AP3B1: variants seen among roughly 807,000 people sequenced by gnomAD.
AP3B1 encodes AP-3 complex subunit beta-1.
A neutral mutation model predicts 132.5 loss-of-function variants in AP3B1; 61 were observed. The ratio of observed to expected loss-of-function variants is 0.46; its 90% CI spans 0.37 to 0.57. AP3B1 has a LOEUF of 0.57. AP3B1 is among the 20% of genes least tolerant of loss of function. The probability of loss-of-function intolerance (pLI) is 0.00; values close to 1 mark genes in which losing one functional copy is unlikely to be tolerated. For synonymous variants in AP3B1, 388 were observed against 438.3 expected, an observed-to-expected ratio of 0.89 and a Z score of 1.43; for missense variants, 1,120 against 1,289.4, an observed-to-expected ratio of 0.87 and a Z score of 2.01.
chr5:78,111,575 A>G (rs1171208331), intron 19 of AP3B1, among the ~76,000 whole-genome samples: 1 of 152,196 alleles, frequency 6.6e-6, no homozygotes, highest in African/African-American at 2.4e-5. Flanking sequence ...AAAGAGACAT[A>G]TAAGCCAAGA....
At position 78,089,428 on chromosome 5, in the gene AP3B1, C is replaced by T. The variant is rs1260839526; in HGVS notation, c.2542G>A (p.Gly848Ser). Reference sequence around the variant, plus strand: ...GAAGAGGAAGTTGACAAGTGTAAACCTTCAAGATCAGCCATCAAACTTGGA... The same window carrying T: ...GAAGAGGAAGTTGACAAGTGTAAACTTTCAAGATCAGCCATCAAACTTGGA... ...LSPSLMADLEGLHLSTSSSVI... is the reference protein window; with the variant it reads ...LSPSLMADLESLHLSTSSSVI... The change falls in exon 22 of 27, where the codon GGT becomes AGT. Residue 848 changes from glycine (G) to serine (S), a missense_variant. This residue lies in a region of AP3B1 where 906 missense variants were observed against 997.1 expected (regional missense o/e 0.91). Transcript: ENST00000255194. The T allele has an allele frequency of 1.9e-6, 3 of 1,613,008 alleles. No homozygotes were observed. The highest frequency in any genetic ancestry group is 1.7e-5 in the Admixed American group (1 of 59,968).
At chr5:78,160,314 T>C (rs1743338230) in intron 13 of AP3B1, among the ~76,000 whole-genome samples, 1 of 152,060 alleles carries the variant, frequency 6.6e-6, no homozygotes, top group East Asian at 1.9e-4. Context: ...TAGTTTAGAG[T>C]AGATGGCAAT....
chr5:78,085,008 C>A (rs1750177258), intron 22 of AP3B1, among the ~76,000 whole-genome samples: 1 of 151,984 alleles, frequency 6.6e-6, no homozygotes, highest in African/African-American at 2.4e-5. Context: ...TCACTACTAT[C>A]ACTAGACATT....
chr5:78,140,340 T>C (rs558904271), intron 15 of AP3B1, among the ~76,000 whole-genome samples: 3 of 152,172 alleles, frequency 2.0e-5, no homozygotes, highest in Non-Finnish European at 4.4e-5. Context: ...CAAAATGTCT[T>C]AGTCCATTTG....
intron 15 of AP3B1, among the ~76,000 whole-genome samples, chr5:78,131,231 A>G (rs1159932866): frequency 6.6e-6 from 1 of 151,938 alleles, no homozygotes; most frequent in East Asian, 1.9e-4. Context: ...ATTTCTCTGG[A>G]GAATACATTT....
intron 3 of AP3B1, among the ~76,000 whole-genome samples, chr5:78,238,557 G>C (rs546708915): frequency 6.6e-6 from 1 of 151,954 alleles, no homozygotes; most frequent in Non-Finnish European, 1.5e-5. Flanking sequence ...TGTACAGCAT[G>C]TTACTGTACT....
intron 22 of AP3B1, among the ~76,000 whole-genome samples, chr5:78,065,077 C>T (rs188904770): frequency 3.7e-4 from 56 of 152,268 alleles, no homozygotes; most frequent in African/African-American, 1.3e-3. Flanking sequence ...AGCAACAGCC[C>T]ACACAGGAGC....
chr5:78,079,909 G>T (rs529638751), intron 22 of AP3B1, among the ~76,000 whole-genome samples: 1 of 152,116 alleles, frequency 6.6e-6, no homozygotes, highest in East Asian at 1.9e-4. Context: ...TGCAAGTATG[G>T]TTTTAAACAT....
intron 26 of AP3B1, among the ~76,000 whole-genome samples, chr5:78,012,940 TCTTTAATAAGA>T (rs1308014447): frequency 6.6e-6 from 1 of 152,228 alleles, no homozygotes; most frequent in East Asian, 1.9e-4. Context: ...TGGCAAACTA[TCTTTAATAAGA>T]ATTATACAAC....
chr5:78,170,750 G>T (rs1235073709), intron 11 of AP3B1, among the ~76,000 whole-genome samples: 2 of 152,138 alleles, frequency 1.3e-5, no homozygotes, highest in African/African-American at 4.8e-5. Flanking sequence ...GATCCCATTT[G>T]TCTATTTTGG....
intron 7 of AP3B1, among the ~76,000 whole-genome samples, chr5:78,194,792 C>T (rs897059144): frequency 1.3e-5 from 2 of 152,010 alleles, no homozygotes; most frequent in Non-Finnish European, 2.9e-5. Flanking sequence ...TATCCATATT[C>T]CAAGGTAATG....
intron 24 of AP3B1, among the ~76,000 whole-genome samples, chr5:78,021,040 T>C (rs1580247786): frequency 6.6e-6 from 1 of 152,060 alleles, no homozygotes; most frequent in Middle Eastern, 3.4e-3. Flanking sequence ...ATTATCCCAT[T>C]TGAAAAAGAA....
chr5:78,285,510 C>A (rs570626581), intron 1 of AP3B1, among the ~76,000 whole-genome samples: 39 of 152,266 alleles, frequency 2.6e-4, no homozygotes, highest in African/African-American at 9.4e-4. Context: ...CTCATCCAAT[C>A]CCATGATACC....
At chr5:78,105,290 CTA>C (rs1246135501) in intron 20 of AP3B1, among the ~76,000 whole-genome samples, 4 of 152,010 alleles carry the variant, frequency 2.6e-5, no homozygotes, top group Non-Finnish European at 4.4e-5. Flanking sequence ...GCTGAAATAA[CTA>C]TGGTGTGGAG....
intron 11 of AP3B1, among the ~76,000 whole-genome samples, chr5:78,169,691 G>C (rs1743822337): frequency 6.6e-6 from 1 of 152,066 alleles, no homozygotes; most frequent in Non-Finnish European, 1.5e-5. Context: ...GCCTCCCAAA[G>C]TGCTAGCAAT....
chr5:78,195,745 G>A (rs543531254), intron 7 of AP3B1, among the ~76,000 whole-genome samples: 13 of 152,194 alleles, frequency 8.5e-5, no homozygotes, highest in East Asian at 5.8e-4. Flanking sequence ...GCTTGAACCC[G>A]GGAGGTGGAG....
At chr5:78,209,628 A>G (rs1476871029) in intron 7 of AP3B1, among the ~76,000 whole-genome samples, 2 of 152,302 alleles carry the variant, frequency 1.3e-5, no homozygotes, top group East Asian at 3.9e-4. Context: ...ACATGTCATC[A>G]GGACCACCTG....
chr5:78,235,739 T>A (rs1297530045), intron 3 of AP3B1, among the ~76,000 whole-genome samples: 1 of 152,238 alleles, frequency 6.6e-6, no homozygotes, highest in Non-Finnish European at 1.5e-5. Context: ...CCCAGTAGGC[T>A]GGAAGAACAC....
At chr5:78,136,881 A>G (rs148477420) in intron 15 of AP3B1, among the ~76,000 whole-genome samples, 1 of 152,266 alleles carries the variant, frequency 6.6e-6, no homozygotes, top group East Asian at 1.9e-4. Flanking sequence ...AGCAAAATTG[A>G]CTATATTATA....
Sources: allele counts gnomAD v4.1 joint callset (sites outside exome capture counted in the v4.1 genomes callset), GRCh38; gene constraint gnomAD v4.1.1; regional missense constraint gnomAD v4.1.1; transcripts MANE v1.5; gene names NCBI Gene and HGNC (gene_info 2026-07-23, HGNC 2026-07-21).